Variants in ARHGEF4 observed in about 807,000 individuals in gnomAD.
The protein encoded by ARHGEF4 is APC-stimulated guanine nucleotide exchange factor 1.
ARHGEF4 carries 119 observed loss-of-function variants against 162.0 expected under a neutral mutation model. The ratio of observed to expected loss-of-function variants is 0.73; its 90% CI spans 0.63 to 0.86. The LOEUF (loss-of-function observed/expected upper bound fraction) is 0.86. Among genes scored for constraint, ARHGEF4 ranks in the 40% least tolerant of loss-of-function variants. The probability of loss-of-function intolerance (pLI) is 0.00; values close to 1 mark genes in which losing one functional copy is unlikely to be tolerated. For missense variants in ARHGEF4, 2,488 were observed against 2,456.0 expected, an observed-to-expected ratio of 1.01 and a Z score of -0.28; for synonymous variants, 1,014 against 979.9, an observed-to-expected ratio of 1.03 and a Z score of -0.65.
At position 130,966,929 on chromosome 2, in the gene ARHGEF4, T is replaced by C. The variant is rs185120106; in HGVS notation, c.3985+20294T>C. Reference sequence around the variant, plus strand: ...GTTTCTGTTTGACTAGTCTAACGGCTGAGACAAAGGACACATGTGTTTAAC... The same window carrying C: ...GTTTCTGTTTGACTAGTCTAACGGCCGAGACAAAGGACACATGTGTTTAAC... On this transcript the variant is annotated intron_variant, in intron 4 of 13. Transcript: ENST00000409359. Among the ~76,000 whole-genome samples the C allele has an allele frequency of 2.1e-3, 327 of 152,326 alleles. 2 individuals are homozygous for C. The highest frequency in any genetic ancestry group is 7.4e-3 in the African/African-American group (308 of 41,570).
chr2:130,916,928 C>G lies in ARHGEF4; in HGVS notation c.2982C>G (p.Asp994Glu). Residue 994 changes from aspartate (D) to glutamate (E), a missense_variant, in exon 2 of 14, where the codon GAC (aspartate) becomes GAG (glutamate). Coordinates refer to ENST00000409359, the MANE Select transcript of ARHGEF4 (RefSeq NM_001367493.1). ...TDSHCEERAEDKEGYVFSDHW... is the reference protein window; with the variant it reads ...TDSHCEERAEEKEGYVFSDHW... Reference sequence around the variant, plus strand: ...GCCACTGTGAGGAACGGGCGGAGGACAAAGAGGGCTATGTTTTTAGCGATC... The same window carrying G: ...GCCACTGTGAGGAACGGGCGGAGGAGAAAGAGGGCTATGTTTTTAGCGATC... 6.4e-7 allele frequency: 1 copy of G among 1,550,644 alleles called. No individual in the cohort carries two copies. Among genetic ancestry groups the G allele is most frequent in the Admixed American group, 2.0e-5 (1 of 51,000 alleles).
At chr2:131,036,530 C>T (rs1390529456) in intron 5 of ARHGEF4, among the ~76,000 whole-genome samples, 2 of 152,218 alleles carry the variant, frequency 1.3e-5, no homozygotes, top group African/African-American at 2.4e-5. Context: ...CTCTGTGAAG[C>T]CCTCCTCTTG....
At position 130,914,196 on chromosome 2, in the gene ARHGEF4, C is replaced by T. The variant is rs1482150998; in HGVS notation, c.250C>T (p.Leu84Phe). ...ASDTESLSGY[L>F]PRGVFHPLRG... is the part of the protein sequence containing the mutation. Reference sequence around the variant, plus strand: ...TGACACAGAGTCCTTGTCTGGGTACCTCCCGAGGGGAGTCTTCCACCCTCT... The same window carrying T: ...TGACACAGAGTCCTTGTCTGGGTACTTCCCGAGGGGAGTCTTCCACCCTCT... Residue 84 changes from leucine to phenylalanine, a missense_variant, in exon 2 of 14, where the codon CTC (leucine) becomes TTC (phenylalanine). Leu to Phe is a conservative substitution (Grantham distance 22). Transcript: ENST00000409359. 4 of 1,535,988 alleles carry T rather than the reference C, an allele frequency of 2.6e-6. No homozygotes were observed. The highest frequency in any genetic ancestry group is 3.5e-6 in the Non-Finnish European group (4 of 1,146,912).
intron 4 of ARHGEF4, among the ~76,000 whole-genome samples, chr2:130,997,659 G>C (rs1350555606): frequency 6.6e-6 from 1 of 152,196 alleles, no homozygotes; most frequent in Non-Finnish European, 1.5e-5. Context: ...ATTCTGCAAG[G>C]TTGAAGCTGG....
chr2:130,996,660 C>G (rs1163875726), intron 4 of ARHGEF4, among the ~76,000 whole-genome samples: 2 of 152,094 alleles, frequency 1.3e-5, no homozygotes, highest in African/African-American at 4.8e-5. Flanking sequence ...GGATGCCTAT[C>G]CAGGAAGAGA....
chr2:130,843,465 C>T (rs1007294116), intron 1 of ARHGEF4, among the ~76,000 whole-genome samples: 1 of 152,190 alleles, frequency 6.6e-6, no homozygotes, highest in African/African-American at 2.4e-5. Flanking sequence ...AGCAGGCCTT[C>T]CGTGCCTCCC....
chr2:130,986,039 T>G (rs916734672), intron 4 of ARHGEF4, among the ~76,000 whole-genome samples: 10 of 151,700 alleles, frequency 6.6e-5, no homozygotes, highest in Non-Finnish European at 4.4e-5. Flanking sequence ...GTTTTGTGTG[T>G]TATGTATAGT....
At chr2:131,044,278 G>A (rs768492759) in intron 11 of ARHGEF4, 21 bp from the exon 12 acceptor site, 1 of 1,609,776 alleles carries the variant, frequency 6.2e-7, no homozygotes, top group East Asian at 2.2e-5. Flanking sequence ...AGCAGCCAGG[G>A]CTGAGGCCAG....
chr2:130,865,908 G>A (rs1682238889), intron 1 of ARHGEF4, among the ~76,000 whole-genome samples: 1 of 152,118 alleles, frequency 6.6e-6, no homozygotes, highest in African/African-American at 2.4e-5. Flanking sequence ...AGGAGCAGTA[G>A]ACTCACACCC....
intron 4 of ARHGEF4, among the ~76,000 whole-genome samples, chr2:130,989,187 C>G (rs1573539624): frequency 6.6e-6 from 1 of 152,258 alleles, no homozygotes; most frequent in East Asian, 1.9e-4. Flanking sequence ...TCTCGAACTC[C>G]TAACCTCAGG....
intron 4 of ARHGEF4, among the ~76,000 whole-genome samples, chr2:131,007,557 C>T (rs1688193940): frequency 6.6e-6 from 1 of 152,026 alleles, no homozygotes; most frequent in South Asian, 2.1e-4. Context: ...GCAAATCCAA[C>T]ATAACAGAAA....
intron 4 of ARHGEF4, among the ~76,000 whole-genome samples, chr2:130,990,449 G>A (rs1384874204): frequency 1.3e-5 from 2 of 151,972 alleles, no homozygotes; most frequent in South Asian, 4.2e-4. Flanking sequence ...ACCCTAGAAG[G>A]TGCAATCCAG....
intron 4 of ARHGEF4, among the ~76,000 whole-genome samples, chr2:131,008,186 C>A (rs1402332045): frequency 6.6e-6 from 1 of 151,968 alleles, no homozygotes; most frequent in African/African-American, 2.4e-5. Flanking sequence ...TTAGTAGTCC[C>A]CTAATAATGT....
intron 1 of ARHGEF4, among the ~76,000 whole-genome samples, chr2:130,870,769 C>T (rs1396144042): frequency 7.2e-5 from 11 of 152,072 alleles, no homozygotes; most frequent in African/African-American, 1.7e-4. Context: ...AAGCAGCAGA[C>T]GGTCACCCAG....
At position 131,046,031 on chromosome 2, in the gene ARHGEF4, T is replaced by C. The variant is rs902553887; in HGVS notation, c.5480-7T>C. 2.5e-6 allele frequency: 4 copies of C among 1,608,830 alleles called. No homozygotes were observed. Among genetic ancestry groups the C allele is most frequent in the African/African-American group, 2.7e-5 (2 of 74,894 alleles). On this transcript the variant is annotated splice_region_variant and splice_polypyrimidine_tract_variant and intron_variant, in intron 13 of 13. Transcript: ENST00000409359. ...CCCATGACCCTCTGCTGTCTCTCCC[T>C]GTTCAGCTGTTGGCCGGCCCTGCTA... is the stretch of plus-strand genomic sequence containing the variant.
chr2:130,953,075 CA>C (rs1035509665), intron 4 of ARHGEF4, among the ~76,000 whole-genome samples: 89 of 150,684 alleles, frequency 5.9e-4, no homozygotes, highest in African/African-American at 2.1e-3. Flanking sequence ...CATATGGAAT[CA>C]AAAAAAAAGC....
At chr2:131,040,471 G>A (rs1690717258) in intron 8 of ARHGEF4, 31 bp downstream of exon 8, 1 of 1,513,826 alleles carries the variant, frequency 6.6e-7, no homozygotes, top group South Asian at 1.3e-5. Context: ...CCCTACCTGG[G>A]CGCTGCGTTC....
intron 1 of ARHGEF4, among the ~76,000 whole-genome samples, chr2:130,890,574 A>AG (rs1679804780): frequency 6.8e-6 from 1 of 146,780 alleles, no homozygotes; most frequent in Admixed American, 7.1e-5. Context: ...AAAAAAAAAA[A>AG]AATTCCATCA....
At chr2:130,977,724 G>T (rs1000298939) in intron 4 of ARHGEF4, among the ~76,000 whole-genome samples, 3 of 152,048 alleles carry the variant, frequency 2.0e-5, no homozygotes, top group African/African-American at 7.2e-5. Context: ...TCTTGTGCGT[G>T]TGTGGTGTTT....
Sources: allele counts gnomAD v4.1 joint callset (sites outside exome capture counted in the v4.1 genomes callset), GRCh38; gene constraint gnomAD v4.1.1; transcripts MANE v1.5; gene names NCBI Gene and HGNC (gene_info 2026-07-23, HGNC 2026-07-21).